The following ELMO1 variants were observed in gnomAD, a reference collection of about 807,000 sequenced individuals.
ELMO1 encodes the protein engulfment and cell motility protein 1.
A neutral mutation model predicts 98.9 loss-of-function variants in ELMO1; 26 were observed. That is an observed-to-expected ratio of 0.26 (90% CI 0.19 to 0.36). The LOEUF (loss-of-function observed/expected upper bound fraction) is 0.36. Among genes scored for constraint, ELMO1 ranks in the 10% least tolerant of loss-of-function variants. ELMO1 has a pLI of 1.00. For missense variants in ELMO1, 627 were observed against 935.2 expected, an observed-to-expected ratio of 0.67 and a Z score of 4.30; for synonymous variants, 346 against 346.0, an observed-to-expected ratio of 1.00 and a Z score of 0.00.
intron 15 of ELMO1, among the ~76,000 whole-genome samples, chr7:37,073,454 C>T (rs563273868): frequency 4.6e-5 from 7 of 152,286 alleles, no homozygotes; most frequent in African/African-American, 1.7e-4. Flanking sequence ...ACACTGTTAT[C>T]TCATGGTGGC....
intron 1 of ELMO1, among the ~76,000 whole-genome samples, chr7:37,447,300 G>A (rs114133728): frequency 0.015 from 2,241 of 152,254 alleles, 66 homozygotes; most frequent in African/African-American, 0.051. Context: ...CCAACAGGAA[G>A]CCTCCGCTTC....
At chr7:37,345,403 A>C (rs1800946908) in intron 1 of ELMO1, among the ~76,000 whole-genome samples, 2 of 152,016 alleles carry the variant, frequency 1.3e-5, no homozygotes, top group African/African-American at 4.8e-5. Context: ...TTCACCGAGA[A>C]GGCAGCACCT....
intron 13 of ELMO1, among the ~76,000 whole-genome samples, chr7:37,159,740 C>T (rs186723077): frequency 2.0e-5 from 3 of 152,160 alleles, no homozygotes; most frequent in Admixed American, 6.6e-5. Flanking sequence ...GACTAATATA[C>T]ATCAGCCTCA....
intron 16 of ELMO1, among the ~76,000 whole-genome samples, chr7:36,955,103 T>C (rs1015461079): frequency 6.6e-6 from 1 of 152,220 alleles, no homozygotes; most frequent in Admixed American, 6.5e-5. Flanking sequence ...TTGTATCTTA[T>C]GAGCCTCAGA....
chr7:37,183,880 GATCT>G (rs1353561834), intron 13 of ELMO1, among the ~76,000 whole-genome samples: 1 of 152,056 alleles, frequency 6.6e-6, no homozygotes, highest in Non-Finnish European at 1.5e-5. Context: ...ATTTATAAAA[GATCT>G]ATTATATATT....
intron 15 of ELMO1, among the ~76,000 whole-genome samples, chr7:37,043,063 A>C (rs1162142445): frequency 6.6e-6 from 1 of 152,222 alleles, no homozygotes; most frequent in Non-Finnish European, 1.5e-5. Context: ...AAATGGCTGC[A>C]TACATATCTG....
At chr7:37,375,291 G>C (rs1583647764) in intron 1 of ELMO1, among the ~76,000 whole-genome samples, 1 of 152,198 alleles carries the variant, frequency 6.6e-6, no homozygotes, top group East Asian at 1.9e-4. Context: ...AATATTAAAT[G>C]GTTCCTAACC....
At chr7:37,443,947 C>G (rs9655383) in intron 1 of ELMO1, among the ~76,000 whole-genome samples, 1 of 152,052 alleles carries the variant, frequency 6.6e-6, no homozygotes, top group Admixed American at 6.5e-5. Context: ...TTCTGTCCCC[C>G]AACCTGGAGC....
chr7:37,377,341 C>T (rs1802393849), intron 1 of ELMO1, among the ~76,000 whole-genome samples: 1 of 151,622 alleles, frequency 6.6e-6, no homozygotes, highest in Admixed American at 6.6e-5. Context: ...GTGAAGGTGC[C>T]AGGCCATGTG....
At chr7:36,916,608 G>T (rs1468026881) in intron 16 of ELMO1, among the ~76,000 whole-genome samples, 1 of 152,208 alleles carries the variant, frequency 6.6e-6, no homozygotes, top group Admixed American at 6.5e-5. Flanking sequence ...TTTTCCAATA[G>T]ATTTTACTTA....
intron 1 of ELMO1, among the ~76,000 whole-genome samples, chr7:37,431,032 C>T (rs960374368): frequency 6.6e-6 from 1 of 152,200 alleles, no homozygotes; most frequent in Admixed American, 6.5e-5. Context: ...AAGGTCAACA[C>T]AGCAATCAGA....
At chr7:37,432,026 C>T (rs1804953359) in intron 1 of ELMO1, among the ~76,000 whole-genome samples, 1 of 152,176 alleles carries the variant, frequency 6.6e-6, no homozygotes, top group South Asian at 2.1e-4. Context: ...GGATTACAGG[C>T]ATATGCCACC....
intron 1 of ELMO1, among the ~76,000 whole-genome samples, chr7:37,404,241 C>T (rs1440870708): frequency 6.6e-6 from 1 of 152,106 alleles, no homozygotes; most frequent in African/African-American, 2.4e-5. Context: ...CTCCCTCTCC[C>T]ATACCACCAA....
At chr7:37,179,460 G>C (rs1174978589) in intron 13 of ELMO1, among the ~76,000 whole-genome samples, 4 of 151,962 alleles carry the variant, frequency 2.6e-5, no homozygotes, top group Non-Finnish European at 5.9e-5. Flanking sequence ...TGTATTTTTA[G>C]TAGAGACAGG....
chr7:37,069,788 G>T (rs1797174696), intron 15 of ELMO1, among the ~76,000 whole-genome samples: 1 of 152,104 alleles, frequency 6.6e-6, no homozygotes, highest in South Asian at 2.1e-4. Flanking sequence ...AGAATTGGAA[G>T]AATTTTATAA....
At chr7:37,154,532 T>C (rs1176270086) in intron 13 of ELMO1, among the ~76,000 whole-genome samples, 3 of 152,152 alleles carry the variant, frequency 2.0e-5, no homozygotes, top group Non-Finnish European at 4.4e-5. Flanking sequence ...CAAGCTTCAA[T>C]AGCCGATTTG....
chr7:37,016,629 T>C (rs914962678), intron 15 of ELMO1, among the ~76,000 whole-genome samples: 5 of 152,216 alleles, frequency 3.3e-5, no homozygotes, highest in Non-Finnish European at 7.3e-5. Flanking sequence ...AGCAAGTGCG[T>C]AGCCAGTGCC....
Position 37,157,252 on chromosome 7 carries a change from G to A in ELMO1, c.1087-24018C>T, listed in dbSNP as rs1788842707. Among the ~76,000 whole-genome samples, 6 of 152,134 alleles carry A rather than the reference G, an allele frequency of 3.9e-5. No individual in the cohort carries two copies. In the South Asian group the frequency reaches 1.2e-3, roughly 31 times the overall value. On this transcript the variant is annotated intron_variant, in intron 13 of 21. Coordinates refer to ENST00000310758, the MANE Select transcript of ELMO1 (RefSeq NM_014800.11). Reference sequence around the variant, plus strand: ...CTGGAAGCATTCCCTTTGAAAACTGGCACAAGAAAAGGATGCCCTCTCTCA... The same window carrying A: ...CTGGAAGCATTCCCTTTGAAAACTGACACAAGAAAAGGATGCCCTCTCTCA...
chr7:36,869,326 C>A (rs1194961750), intron 20 of ELMO1, among the ~76,000 whole-genome samples: 1 of 152,210 alleles, frequency 6.6e-6, no homozygotes, highest in Non-Finnish European at 1.5e-5. Context: ...AGCTGCATCC[C>A]CTGCCCTCTG....
Sources: allele counts gnomAD v4.1 joint callset (sites outside exome capture counted in the v4.1 genomes callset), GRCh38; gene constraint gnomAD v4.1.1; transcripts MANE v1.5; gene names NCBI Gene and HGNC (gene_info 2026-07-23, HGNC 2026-07-21).